RYR3: variants seen among roughly 807,000 people sequenced by gnomAD.
The protein encoded by RYR3 is brain ryanodine receptor-calcium release channel.
In RYR3, 207 loss-of-function variants were observed where a neutral mutation model predicts 584.3. The observed-to-expected ratio is 0.35, with a 90% CI of 0.32 to 0.40. The LOEUF (loss-of-function observed/expected upper bound fraction) is 0.40, where lower values mean the gene tolerates loss of function less well. RYR3 is among the 10% of genes least tolerant of loss of function. The pLI is 1.00. For missense variants in RYR3, 5,616 were observed against 6,089.2 expected, an observed-to-expected ratio of 0.92 and a Z score of 2.59; for synonymous variants, 2,416 against 2,248.5, an observed-to-expected ratio of 1.07 and a Z score of -2.11.
chr15:33,809,709 C>T (rs2076413696), intron 70 of RYR3, among the ~76,000 whole-genome samples: 1 of 151,014 alleles, frequency 6.6e-6, no homozygotes, highest in African/African-American at 2.4e-5. Context: ...GATCTCGGCT[C>T]GCTGCAACCT....
At chr15:33,399,766 A>C (rs1358687112) in intron 1 of RYR3, among the ~76,000 whole-genome samples, 1 of 152,228 alleles carries the variant, frequency 6.6e-6, no homozygotes, top group Non-Finnish European at 1.5e-5. Flanking sequence ...GCCTGAAAGA[A>C]AGATAGATCT....
chr15:33,552,766 CTG>C (rs1226868246), intron 10 of RYR3, among the ~76,000 whole-genome samples: 2 of 152,160 alleles, frequency 1.3e-5, no homozygotes, highest in African/African-American at 4.8e-5. Context: ...GAACACATAA[CTG>C]TCATACACCA....
At chr15:33,528,997 G>C (rs1322337117) in intron 3 of RYR3, among the ~76,000 whole-genome samples, 1 of 152,226 alleles carries the variant, frequency 6.6e-6, no homozygotes, top group African/African-American at 2.4e-5. Flanking sequence ...TAAGCCATCA[G>C]GAGCCATCCA....
chr15:33,729,162 G>A (rs950592286), intron 47 of RYR3, 136 bp downstream of exon 47: 2 of 752,086 alleles, frequency 2.7e-6, no homozygotes, highest in Non-Finnish European at 4.2e-6. Context: ...GAAAATAGAG[G>A]TATCATGAAA....
intron 16 of RYR3, among the ~76,000 whole-genome samples, chr15:33,601,190 A>G (rs2059643504): frequency 6.6e-6 from 1 of 152,154 alleles, no homozygotes; most frequent in African/African-American, 2.4e-5. Context: ...TAAGACTACA[A>G]CAGAGGGGCT....
chr15:33,397,206 G>C (rs2042350735), intron 1 of RYR3, among the ~76,000 whole-genome samples: 1 of 152,206 alleles, frequency 6.6e-6, no homozygotes, highest in Non-Finnish European at 1.5e-5. Context: ...GCCAAGACCA[G>C]AGACAGGAAC....
intron 64 of RYR3, among the ~76,000 whole-genome samples, chr15:33,776,159 G>A (rs62010991): frequency 0.21 from 31,955 of 152,170 alleles, 4,047 homozygotes; most frequent in Non-Finnish European, 0.28. Flanking sequence ...TACACCTGGA[G>A]TATGCTTTGT....
chr15:33,858,009 T>C, intron 99 of RYR3, 95 bp downstream of exon 99: 1 of 1,508,688 alleles, frequency 6.6e-7, no homozygotes, highest in East Asian at 2.3e-5. Context: ...GGGGTGCTCT[T>C]GAGAACTGTA....
chr15:33,638,532 T>C (rs1339275048), intron 27 of RYR3, among the ~76,000 whole-genome samples: 2 of 152,180 alleles, frequency 1.3e-5, no homozygotes, highest in South Asian at 2.1e-4. Flanking sequence ...CTTTGTAAAG[T>C]CCAAAGCCTT....
chr15:33,335,778 A>G (rs1034221602), intron 1 of RYR3, among the ~76,000 whole-genome samples: 3 of 151,514 alleles, frequency 2.0e-5, no homozygotes, highest in Admixed American at 6.6e-5. Context: ...TGGTTTGCCA[A>G]CCCCTACCTG....
chr15:33,781,279 C>T (rs1460320940), intron 65 of RYR3, among the ~76,000 whole-genome samples: 1 of 152,128 alleles, frequency 6.6e-6, no homozygotes, highest in East Asian at 1.9e-4. Flanking sequence ...TGCGATGATT[C>T]CATCTATTCT....
chr15:33,342,718 G>T (rs1168501707), intron 1 of RYR3, among the ~76,000 whole-genome samples: 1 of 152,040 alleles, frequency 6.6e-6, no homozygotes, highest in African/African-American at 2.4e-5. Context: ...TCTTCAAAAT[G>T]GCATGAGTTC....
rs538712362 is a variant in RYR3, at chr15:33,584,190, A to G, written c.1574-205A>G. Among the ~76,000 whole-genome samples, 296 of 152,202 alleles carry G rather than the reference A, an allele frequency of 1.9e-3. 1 individual carries two copies. The highest frequency in any genetic ancestry group is 6.8e-3 in the African/African-American group (281 of 41,526). Reference sequence around the variant, plus strand: ...GAGTTTGAGGCTGCAATGAGCCACTACACTCCAGCCTGGGTGACTGGGTGA... The same window carrying G: ...GAGTTTGAGGCTGCAATGAGCCACTGCACTCCAGCCTGGGTGACTGGGTGA... On this transcript the variant is annotated intron_variant, in intron 14 of 103. Transcript: ENST00000634891.
intron 94 of RYR3, chr15:33,850,522 CATAA>C (rs1171726421): frequency 3.9e-5 from 6 of 152,216 alleles, no homozygotes; most frequent in South Asian, 2.1e-4. Context: ...GTAGGAAATG[CATAA>C]ATAAATAGCT....
chr15:33,450,073 A>AGG (rs1207895309), intron 1 of RYR3, among the ~76,000 whole-genome samples: 1 of 132,382 alleles, frequency 7.6e-6, no homozygotes, highest in African/African-American at 3.0e-5. Flanking sequence ...TACTGCGGCT[A>AGG]GAGCATTAAT....
chr15:33,664,589 G>GTGTGTATATATA lies in RYR3; in HGVS notation c.5619+853_5619+854insGTGTATATATAT, dbSNP rs577496539. On this transcript the variant is annotated intron_variant, in intron 36 of 103. Coordinates refer to ENST00000634891, the MANE Select transcript of RYR3 (RefSeq NM_001036.6). The stretch of plus-strand genomic sequence containing the variant: ...TATATAGATATATGTGTGTGTGTGT[G>GTGTGTATATATA]TATATATATATATATATATATATAT... Among the ~76,000 whole-genome samples the GTGTGTATATATA allele has an allele frequency of 5.6e-4, 51 of 91,376 alleles. 1 individual carries two copies. The Middle Eastern group carries it at 0.021, about 37-fold the overall frequency. 59.9% of individuals were successfully genotyped at this position (91,376 alleles called of 152,430 possible). A position where few individuals can be genotyped will look rare whatever the true frequency, so the allele number is the denominator to read the frequency against.
chr15:33,802,740 T>C lies in RYR3; in HGVS notation c.10011+779T>C, dbSNP rs533627833. ...TGTTTTGTTACCAGCTGTTATGACT[T>C]ACCTTGACTCTGTACCCCTGAGAAA... On this transcript the variant is annotated intron_variant, in intron 69 of 103. Transcript: ENST00000634891. 2.0e-5 allele frequency among the ~76,000 whole-genome samples: 3 copies of C among 152,350 alleles called. No homozygotes were observed. In the South Asian group the frequency reaches 6.2e-4, roughly 32 times the overall value.
chr15:33,734,176 CCTT>C (rs1160010425), intron 48 of RYR3, among the ~76,000 whole-genome samples: 1 of 152,086 alleles, frequency 6.6e-6, no homozygotes, highest in East Asian at 1.9e-4. Context: ...CCAGAGATCT[CCTT>C]CCCAAACCAG....
At chr15:33,559,179 C>T (rs2057270612) in intron 10 of RYR3, among the ~76,000 whole-genome samples, 1 of 152,068 alleles carries the variant, frequency 6.6e-6, no homozygotes, top group African/African-American at 2.4e-5. Flanking sequence ...AGTCCTTGAC[C>T]ATTTTAGGAA....
Sources: allele counts gnomAD v4.1 joint callset (sites outside exome capture counted in the v4.1 genomes callset), GRCh38; gene constraint gnomAD v4.1.1; transcripts MANE v1.5; gene names NCBI Gene and HGNC (gene_info 2026-07-23, HGNC 2026-07-21).